SUGCT: variants seen among roughly 807,000 people sequenced by gnomAD.
SUGCT encodes the protein succinyl-CoA:glutarate CoA-transferase.
A neutral mutation model predicts 55.0 loss-of-function variants in SUGCT; 41 were observed. The ratio of observed to expected loss-of-function variants is 0.74; its 90% CI spans 0.58 to 0.97. The LOEUF (loss-of-function observed/expected upper bound fraction) is 0.97, where lower values mean the gene tolerates loss of function less well. SUGCT is among the 50% of genes least tolerant of loss of function. The pLI, the probability that SUGCT is intolerant of heterozygous loss-of-function variation, is 0.00. For missense variants in SUGCT, 568 were observed against 547.8 expected (o/e 1.04, Z -0.37); for synonymous variants, 187 against 200.4 (o/e 0.93, Z 0.56).
At chr7:40,282,795 A>G (rs533984948) in intron 8 of SUGCT, among the ~76,000 whole-genome samples, 55 of 151,614 alleles carry the variant, frequency 3.6e-4, no homozygotes, top group Non-Finnish European at 7.5e-4. Context: ...GAGCCCAGAA[A>G]TTAGAGGTTA....
At chr7:40,864,505 G>A (rs1252091337), downstream of SUGCT, among the ~76,000 whole-genome samples, 1 of 152,046 alleles carries the variant, frequency 6.6e-6, no homozygotes, top group African/African-American at 2.4e-5. Flanking sequence ...CTTATGTGGT[G>A]GGTTTAGGGG....
chr7:40,690,859 G>A (rs533280072), intron 12 of SUGCT, among the ~76,000 whole-genome samples: 1 of 152,248 alleles, frequency 6.6e-6, no homozygotes, highest in East Asian at 1.9e-4. Flanking sequence ...ATATAGGCAG[G>A]AGCCACCACA....
intron 6 of SUGCT, among the ~76,000 whole-genome samples, chr7:40,228,057 T>C (rs1271206635): frequency 6.6e-6 from 1 of 152,036 alleles, no homozygotes; most frequent in Non-Finnish European, 1.5e-5. Flanking sequence ...TAATTTTGTA[T>C]TTTTAGTAGA....
chr7:41,002,075 C>T, the SUGCT span, among the ~76,000 whole-genome samples: 34 of 152,060 alleles, frequency 2.2e-4, no homozygotes, highest in African/African-American at 6.8e-4. Context: ...GGCTGGAGTG[C>T]GGTGGTATAA....
At chr7:40,875,621 A>G in the SUGCT span, among the ~76,000 whole-genome samples, 1 of 152,220 alleles carries the variant, frequency 6.6e-6, no homozygotes, top group Admixed American at 6.5e-5. Context: ...TTGAGGCAAT[A>G]ACCAGTTGCA....
At chr7:40,779,364 T>C (rs1789618123) in intron 13 of SUGCT, among the ~76,000 whole-genome samples, 1 of 152,218 alleles carries the variant, frequency 6.6e-6, no homozygotes. Flanking sequence ...CTGCATTGCA[T>C]TAAACGCTGA....
At chr7:40,437,797 G>A (rs1339088212) in intron 9 of SUGCT, among the ~76,000 whole-genome samples, 1 of 152,090 alleles carries the variant, frequency 6.6e-6, no homozygotes, top group Non-Finnish European at 1.5e-5. Flanking sequence ...TTTTCCAGTG[G>A]GTGATGAAGT....
chr7:40,604,857 C>T (rs1798450107), intron 12 of SUGCT, among the ~76,000 whole-genome samples: 1 of 152,178 alleles, frequency 6.6e-6, no homozygotes, highest in Admixed American at 6.5e-5. Context: ...TTCACTAACA[C>T]CTCATTGTGA....
At chr7:40,462,964 C>G (rs1789884944) in intron 11 of SUGCT, among the ~76,000 whole-genome samples, 1 of 152,070 alleles carries the variant, frequency 6.6e-6, no homozygotes, top group African/African-American at 2.4e-5. Flanking sequence ...ATTTATTGTA[C>G]TTTTTCAACA....
intron 1 of SUGCT, among the ~76,000 whole-genome samples, chr7:40,139,156 A>AATCAATC (rs1554344703): frequency 4.0e-5 from 6 of 149,272 alleles, no homozygotes; most frequent in African/African-American, 1.5e-4. Flanking sequence ...ATAAATAAAT[A>AATCAATC]AATAAATAAA....
intron 9 of SUGCT, 103 bp from the exon 10 acceptor site, chr7:40,449,184 C>A: frequency 8.6e-6 from 6 of 696,612 alleles, no homozygotes; most frequent in Admixed American, 2.7e-5. Flanking sequence ...GAATTAATAA[C>A]ATTGCTTTAG....
intron 12 of SUGCT, chr7:40,546,843 T>C (rs1380707582): frequency 6.6e-6 from 1 of 152,254 alleles, no homozygotes; most frequent in Non-Finnish European, 1.5e-5. Context: ...TTCTGCAGTA[T>C]CTTTCTGGCT....
intron 9 of SUGCT, among the ~76,000 whole-genome samples, chr7:40,448,679 CTACAAAAAG>C (rs1187797860): frequency 2.6e-5 from 4 of 152,014 alleles, no homozygotes; most frequent in African/African-American, 9.7e-5. Flanking sequence ...GACCCCATTT[CTACAAAAAG>C]TACAAAATTA....
chr7:40,180,216 C>G (rs1053122310), intron 1 of SUGCT, among the ~76,000 whole-genome samples: 1 of 151,694 alleles, frequency 6.6e-6, no homozygotes, highest in Non-Finnish European at 1.5e-5. Context: ...TTCCGCCTCC[C>G]GGGTTCAAAG....
chr7:40,178,050 A>G (rs1785010613), intron 1 of SUGCT, among the ~76,000 whole-genome samples: 1 of 152,124 alleles, frequency 6.6e-6, no homozygotes, highest in Non-Finnish European at 1.5e-5. Flanking sequence ...CTTGCCTACC[A>G]TTATCTGATT....
In SUGCT at chr7:40,220,933, T is replaced by A. The variant is rs73314830; in HGVS notation, c.485-16702T>A. ...AAGTTAATTGGTATGAAGCCACATT[T>A]TCTGTATTGAAGATGCATTCACAGG... On this transcript the variant is annotated intron_variant, in intron 6 of 13. Transcript: ENST00000335693. Among the ~76,000 whole-genome samples the A allele has an allele frequency of 5.3e-3, 808 of 152,282 alleles. 10 individuals are homozygous for A. Among genetic ancestry groups the A allele is most frequent in the African/African-American group, 0.018 (760 of 41,554 alleles).
In SUGCT at chr7:40,764,197, A is replaced by G. The variant is rs546321231; in HGVS notation, c.1153+14700A>G. 3.3e-5 allele frequency among the ~76,000 whole-genome samples: 5 copies of G among 152,354 alleles called. No homozygotes were observed. In the East Asian group the frequency reaches 9.6e-4, roughly 29 times the overall value. On this transcript the variant is annotated intron_variant, in intron 13 of 13. Coordinates refer to ENST00000335693, the MANE Select transcript of SUGCT (RefSeq NM_001193313.2). Reference sequence around the variant, plus strand: ...AAGAAGTTCCCAAATATGAGCATGGAAATGACAACTCAAATTCCAACCATT... The same window carrying G: ...AAGAAGTTCCCAAATATGAGCATGGGAATGACAACTCAAATTCCAACCATT...
chr7:40,932,558 T>C, the SUGCT span, among the ~76,000 whole-genome samples: 1 of 137,258 alleles, frequency 7.3e-6, no homozygotes, highest in Admixed American at 7.0e-5. Flanking sequence ...TGTGGGAGTC[T>C]AAGTCTCTTT....
intron 9 of SUGCT, among the ~76,000 whole-genome samples, chr7:40,352,100 G>A (rs945685283): frequency 3.9e-5 from 6 of 152,184 alleles, no homozygotes; most frequent in African/African-American, 1.2e-4. Context: ...AACTTGAGAT[G>A]TAATGAAATG....
Sources: gnomAD v4.1 joint callset for allele counts (sites outside exome capture counted in the v4.1 genomes callset) on GRCh38, gnomAD v4.1.1 for gene constraint, MANE v1.5 for transcripts, NCBI Gene and HGNC (gene_info 2026-07-23, HGNC 2026-07-21) for gene names.